DNAAF11: variants seen among roughly 807,000 people sequenced by gnomAD.
The protein encoded by DNAAF11 is dynein axonemal assembly factor 11.
A neutral mutation model predicts 60.8 loss-of-function variants in DNAAF11; 45 were observed. The ratio of observed to expected loss-of-function variants is 0.74; its 90% confidence interval spans 0.58 to 0.95. The LOEUF is 0.95. Among genes scored for constraint, DNAAF11 ranks in the 40% least tolerant of loss-of-function variants. DNAAF11 has a pLI of 0.00. For missense variants in DNAAF11, 546 were observed against 546.2 expected (o/e 1.00, Z 0.00); for synonymous variants, 191 against 183.5 (o/e 1.04, Z -0.33).
At chr8:132,688,369 G>C in the DNAAF11 span, among the ~76,000 whole-genome samples, 3 of 152,306 alleles carry the variant, frequency 2.0e-5, no homozygotes, top group African/African-American at 7.2e-5. Context: ...TCTGGTAACA[G>C]AACCCTGAAT....
At chr8:132,674,533 G>T (rs570084031) in intron 1 of DNAAF11, among the ~76,000 whole-genome samples, 3 of 152,284 alleles carry the variant, frequency 2.0e-5, no homozygotes, top group South Asian at 4.1e-4. Flanking sequence ...ATATCAAAAT[G>T]GTTCATACAA....
chr8:132,675,186 A>C, intron 1 of DNAAF11: 1 of 394,152 alleles, frequency 2.5e-6, no homozygotes, highest in East Asian at 3.8e-5. Context: ...AAACCCCTGC[A>C]CGTTCCCCGA....
chr8:132,664,234 C>T (rs559183162), intron 1 of DNAAF11, among the ~76,000 whole-genome samples: 4 of 152,146 alleles, frequency 2.6e-5, no homozygotes, highest in East Asian at 1.9e-4. Context: ...ATGGTTAAGT[C>T]GAATGTGTTC....
At chr8:132,578,554 T>A (rs948966341) in intron 11 of DNAAF11, 1 of 1,271,456 alleles carries the variant, frequency 7.9e-7, no homozygotes, top group Non-Finnish European at 1.1e-6. Context: ...ATCATGGAAG[T>A]AAGCAAGAAA....
rs1814181355 is a variant in DNAAF11 at position 132,571,493 on chromosome 8, G to A, written c.*813C>T. Among the ~76,000 whole-genome samples, 1 of 151,954 alleles carries A rather than the reference G, an allele frequency of 6.6e-6. No homozygotes were observed. Among genetic ancestry groups the A allele is most frequent in the Middle Eastern group, 3.4e-3 (1 of 294 alleles). ...TAGAGGAGAAGGAGTGGGATGGGGA[G>A]TAAAAAGGTGAAGAAAAAGAATAAG... On this transcript the variant is annotated 3_prime_UTR_variant, in exon 12 of 12. Transcript: ENST00000620350.
At chr8:132,573,309 A>G (rs1814409811) in intron 11 of DNAAF11, among the ~76,000 whole-genome samples, 1 of 152,212 alleles carries the variant, frequency 6.6e-6, no homozygotes, top group African/African-American at 2.4e-5. Context: ...CATTGAACAG[A>G]TACGTGTTAA....
At chr8:132,672,546 T>G (rs1825286045) in intron 1 of DNAAF11, among the ~76,000 whole-genome samples, 1 of 152,224 alleles carries the variant, frequency 6.6e-6, no homozygotes, top group Non-Finnish European at 1.5e-5. Context: ...CCACTTACTG[T>G]GTGGCACTGG....
In DNAAF11 at chr8:132,644,235, A is replaced by C. The variant is rs528025430; in HGVS notation, c.257-6128T>G. 8.5e-5 allele frequency among the ~76,000 whole-genome samples: 13 copies of C among 152,318 alleles called. No individual in the cohort carries two copies. In the South Asian group the frequency reaches 1.2e-3, roughly 15 times the overall value. ...CTGGGGAAAAAAATGTCCCAGCCAA[A>C]TATCTCAACTGGAAACAGAGGTAAC... On this transcript the variant is annotated intron_variant, in intron 3 of 11. Transcript: ENST00000620350.
At chr8:132,633,992 A>G (rs554986965) in intron 4 of DNAAF11, among the ~76,000 whole-genome samples, 1 of 152,200 alleles carries the variant, frequency 6.6e-6, no homozygotes, top group African/African-American at 2.4e-5. Context: ...GCATTGTTTT[A>G]AGTCACTAAG....
chr8:132,675,429 C>T lies in DNAAF11; in HGVS notation c.10+55G>A. On this transcript the variant is annotated intron_variant, in intron 1 of 11. Transcript: ENST00000620350. The stretch of plus-strand genomic sequence containing the variant: ...CGGGCGGCGAGGATCCCACGAGACC[C>T]GGGACTACTTCCACAAGGGGAACGA... 2.6e-6 allele frequency: 4 copies of T among 1,539,110 alleles called. No individual in the cohort carries two copies. The South Asian group carries it at 4.8e-5, about 18-fold the overall frequency.
chr8:132,647,369 T>C (rs1332597752), intron 3 of DNAAF11, among the ~76,000 whole-genome samples: 1 of 151,590 alleles, frequency 6.6e-6, no homozygotes, highest in African/African-American at 2.4e-5. Flanking sequence ...TTTAAAGCAG[T>C]GTGTAGAGGG....
chr8:132,681,107 T>C, the DNAAF11 span, among the ~76,000 whole-genome samples: 1 of 146,744 alleles, frequency 6.8e-6, no homozygotes, highest in African/African-American at 2.6e-5. Context: ...ACTTTCTGGG[T>C]TCAAGTGATT....
chr8:132,617,516 T>G (rs1302293597), intron 7 of DNAAF11, among the ~76,000 whole-genome samples: 1 of 152,212 alleles, frequency 6.6e-6, no homozygotes, highest in East Asian at 1.9e-4. Context: ...TTTGCTGAAG[T>G]TGCTTATCAG....
rs552493225 is a variant in DNAAF11 at position 132,656,042 on chromosome 8, T to C, written c.256+788A>G. On this transcript the variant is annotated intron_variant, in intron 3 of 11. Coordinates refer to ENST00000620350, the MANE Select transcript of DNAAF11 (RefSeq NM_012472.6). ...CTGTGCACATGTACACAAAGTAAAA[T>C]GTAGAAGGAGGCTTACTGTAGCCAT... 2.0e-5 allele frequency among the ~76,000 whole-genome samples: 3 copies of C among 152,276 alleles called. No individual in the cohort carries two copies. The South Asian group carries it at 6.2e-4, about 32-fold the overall frequency.
chr8:132,654,517 G>A (rs752889646), intron 3 of DNAAF11, among the ~76,000 whole-genome samples: 1 of 151,886 alleles, frequency 6.6e-6, no homozygotes, highest in East Asian at 1.9e-4. Flanking sequence ...CAGAACAAAT[G>A]TTGGGCCATA....
chr8:132,614,924 A>G, intron 8 of DNAAF11, 114 bp downstream of exon 8: 1 of 586,138 alleles, frequency 1.7e-6, no homozygotes, highest in South Asian at 2.7e-5. Flanking sequence ...AATAAGCTTC[A>G]TTTAACTATA....
chr8:132,648,044 G>C (rs1051092125), intron 3 of DNAAF11, among the ~76,000 whole-genome samples: 1 of 152,152 alleles, frequency 6.6e-6, no homozygotes, highest in Non-Finnish European at 1.5e-5. Context: ...AAGCCTGGCA[G>C]AGACACAACA....
chr8:132,667,726 G>T (rs1824772335), intron 1 of DNAAF11, among the ~76,000 whole-genome samples: 1 of 152,128 alleles, frequency 6.6e-6, no homozygotes, highest in Admixed American at 6.5e-5. Context: ...GAATCCAAGG[G>T]TTTAATCAAA....
In DNAAF11 at chr8:132,658,485, G is replaced by A. The variant is rs556818570; in HGVS notation, c.179-1578C>T. Among the ~76,000 whole-genome samples, 510 of 152,168 alleles carry A rather than the reference G, an allele frequency of 3.4e-3. 3 individuals carry two copies. Among genetic ancestry groups the A allele is most frequent in the Non-Finnish European group, 4.0e-3 (274 of 67,992 alleles). Reference sequence around the variant, plus strand: ...CTACAGGCGCCCGCCACCACGCCTGGCTAATTTTTGTATTTTTAGTAGAGA... The same window carrying A: ...CTACAGGCGCCCGCCACCACGCCTGACTAATTTTTGTATTTTTAGTAGAGA... On this transcript the variant is annotated intron_variant, in intron 2 of 11. Transcript: ENST00000620350.
Sources: gnomAD v4.1 joint callset for allele counts (sites outside exome capture counted in the v4.1 genomes callset) on GRCh38, gnomAD v4.1.1 for gene constraint, MANE v1.5 for transcripts, NCBI Gene and HGNC (gene_info 2026-07-23, HGNC 2026-07-21) for gene names.